Variants in UGGT2 observed in about 807,000 individuals in gnomAD.
UGGT2 encodes UDP-glucose glycoprotein glucosyltransferase 2, also known as UDP-glucose:glycoprotein glucosyltransferase 2.
UGGT2 carries 180 observed loss-of-function variants against 192.1 expected under a neutral mutation model. The ratio of observed to expected loss-of-function variants is 0.94; its 90% CI spans 0.83 to 1.06. UGGT2 has a LOEUF of 1.06. UGGT2 is among the 50% of genes least tolerant of loss of function. The pLI, the probability that UGGT2 is intolerant of heterozygous loss-of-function variation, is 0.00. For synonymous variants in UGGT2, 580 were observed against 591.0 expected (o/e 0.98, Z 0.27); for missense variants, 1,849 against 1,795.7 (o/e 1.03, Z -0.54).
intron 6 of UGGT2, among the ~76,000 whole-genome samples, chr13:95,996,404 G>A (rs1245859464): frequency 1.3e-5 from 2 of 152,028 alleles, no homozygotes; most frequent in East Asian, 3.9e-4. Context: ...TGGGAGGCAG[G>A]AGAGTGGCTT....
At chr13:95,959,687 C>G (rs1449286724) in intron 12 of UGGT2, among the ~76,000 whole-genome samples, 1 of 152,202 alleles carries the variant, frequency 6.6e-6, no homozygotes, top group Non-Finnish European at 1.5e-5. Flanking sequence ...ACCCTTAGGT[C>G]CTAGAGAATT....
chr13:95,906,061 A>G (rs1386188474), intron 20 of UGGT2, among the ~76,000 whole-genome samples: 1 of 152,134 alleles, frequency 6.6e-6, no homozygotes, highest in Non-Finnish European at 1.5e-5. Context: ...TCAATTACGT[A>G]GTTTTATCAA....
chr13:95,803,666 C>T (rs918078065), intron 38 of UGGT2, among the ~76,000 whole-genome samples: 2 of 152,080 alleles, frequency 1.3e-5, no homozygotes, highest in Admixed American at 6.5e-5. Context: ...TGACCATACA[C>T]CTAGAAGGAA....
intron 38 of UGGT2, among the ~76,000 whole-genome samples, chr13:95,819,445 C>A (rs1885262185): frequency 6.6e-6 from 1 of 151,934 alleles, no homozygotes; most frequent in Admixed American, 6.6e-5. Flanking sequence ...CTTATGGAAG[C>A]CCTAAAAGCA....
intron 27 of UGGT2, among the ~76,000 whole-genome samples, chr13:95,879,656 C>T (rs1477132789): frequency 6.6e-6 from 1 of 152,154 alleles, no homozygotes; most frequent in Non-Finnish European, 1.5e-5. Flanking sequence ...AGGCTGGCCT[C>T]AAACTCCTGA....
At chr13:95,832,578 T>C (rs1886826329) in intron 38 of UGGT2, 1 of 338,398 alleles carries the variant, frequency 3.0e-6, no homozygotes. Context: ...CTTTTATTAA[T>C]TTTTAGGACT....
chr13:95,874,893 A>G (rs1891534331), intron 29 of UGGT2, among the ~76,000 whole-genome samples: 1 of 152,154 alleles, frequency 6.6e-6, no homozygotes, highest in South Asian at 2.1e-4. Flanking sequence ...GTCTTGCTAT[A>G]TTGCCCAGGC....
chr13:95,953,052 A>G (rs2050114508), intron 12 of UGGT2, among the ~76,000 whole-genome samples: 1 of 152,214 alleles, frequency 6.6e-6, no homozygotes, highest in South Asian at 2.1e-4. Flanking sequence ...TATGATTCTT[A>G]ACATTACTTT....
chr13:96,050,650 C>T (rs1277806868), intron 1 of UGGT2, among the ~76,000 whole-genome samples: 1 of 152,140 alleles, frequency 6.6e-6, no homozygotes, highest in Non-Finnish European at 1.5e-5. Flanking sequence ...AATTAAACGA[C>T]CCCATCAAAA....
chr13:95,941,653 C>T (rs1460571394), intron 15 of UGGT2, among the ~76,000 whole-genome samples: 1 of 152,148 alleles, frequency 6.6e-6, no homozygotes, highest in Admixed American at 6.5e-5. Flanking sequence ...AGTCAGAATG[C>T]CTCACATAAG....
chr13:95,868,436 AT>A (rs1210087485), intron 29 of UGGT2, among the ~76,000 whole-genome samples: 8 of 151,750 alleles, frequency 5.3e-5, no homozygotes, highest in Non-Finnish European at 1.0e-4. Context: ...TCTGCAAAAA[AT>A]TTTTTTTTAA....
chr13:95,999,262 G>C lies in UGGT2; in HGVS notation c.706C>G (p.Leu236Val). The C allele has an allele frequency of 6.2e-7, 1 of 1,613,574 alleles. No individual in the cohort carries two copies. Among genetic ancestry groups the C allele is most frequent in the Non-Finnish European group, 8.5e-7 (1 of 1,179,728 alleles). The stretch of plus-strand genomic sequence containing the variant: ...TTGTATTCTGTACTCTTAATTGCTA[G>C]CTCCACACCATACCCAGATAAGTAC... The part of the protein sequence containing the change: ...KMYLSGYGVE[L>V]AIKSTEYKAL... The change falls in exon 6 of 39, where the codon CTA (leucine) becomes GTA (valine). Residue 236 changes from leucine (L) to valine (V), a missense_variant. Transcript: ENST00000376747.
rs145596558 is a variant in UGGT2 at position 96,030,251 on chromosome 13, G to A, written c.241+1638C>T. Among the ~76,000 whole-genome samples, 476 of 152,264 alleles carry A rather than the reference G, an allele frequency of 3.1e-3. 3 individuals are homozygous for A. Among genetic ancestry groups the A allele is most frequent in the African/African-American group, 0.011 (454 of 41,532 alleles). On this transcript the variant is annotated intron_variant, in intron 2 of 38. Coordinates refer to ENST00000376747, the MANE Select transcript of UGGT2 (RefSeq NM_020121.4). ...AACACTGACTAGGTGCCTCTTTTAT[G>A]TGTTTTCATGTTATGCATGACCCAA...
At chr13:95,995,167 T>A (rs1484063452) in intron 7 of UGGT2, among the ~76,000 whole-genome samples, 1 of 152,054 alleles carries the variant, frequency 6.6e-6, no homozygotes. Context: ...AAAGAGCTGT[T>A]ATAATTAGTA....
At chr13:95,912,948 T>C (rs1221740919) in intron 20 of UGGT2, among the ~76,000 whole-genome samples, 1 of 152,124 alleles carries the variant, frequency 6.6e-6, no homozygotes, top group East Asian at 1.9e-4. Flanking sequence ...TCTACAACCA[T>C]CTGATCTTTG....
intron 12 of UGGT2, among the ~76,000 whole-genome samples, chr13:95,968,767 T>C (rs908598743): frequency 3.3e-5 from 5 of 152,208 alleles, no homozygotes; most frequent in Admixed American, 1.3e-4. Flanking sequence ...TATTTCTTTA[T>C]AGCAAGGTAA....
At chr13:95,976,955 T>C (rs1021201976) in intron 10 of UGGT2, among the ~76,000 whole-genome samples, 2 of 152,142 alleles carry the variant, frequency 1.3e-5, no homozygotes, top group African/African-American at 4.8e-5. Flanking sequence ...GAGGAAAGGA[T>C]TCCCTATTTA....
chr13:95,989,374 A>G (rs1388714552), intron 8 of UGGT2: 2 of 157,840 alleles, frequency 1.3e-5, no homozygotes, highest in African/African-American at 4.8e-5. Flanking sequence ...ATTATGCAGA[A>G]AGATGACATG....
chr13:95,978,103 T>C (rs556937795), intron 10 of UGGT2, among the ~76,000 whole-genome samples: 2 of 152,150 alleles, frequency 1.3e-5, no homozygotes, highest in South Asian at 4.2e-4. Context: ...GATGGGTTGA[T>C]AGGGGCAGCA....
Sources: gnomAD v4.1 joint callset for allele counts (sites outside exome capture counted in the v4.1 genomes callset) on GRCh38, gnomAD v4.1.1 for gene constraint, MANE v1.5 for transcripts, NCBI Gene and HGNC (gene_info 2026-07-23, HGNC 2026-07-21) for gene names.